Variants in TMEM117 observed in about 807,000 individuals in gnomAD.
TMEM117 encodes the protein transmembrane protein 117.
Under a neutral mutation model 52.4 loss-of-function variants are expected in TMEM117, and 27 were observed. The ratio of observed to expected loss-of-function variants is 0.51; its 90% CI spans 0.38 to 0.71. TMEM117 has a LOEUF of 0.71. TMEM117 is among the 30% of genes least tolerant of loss of function. TMEM117 has a pLI of 0.00. For missense variants in TMEM117, 556 were observed against 630.5 expected (o/e 0.88, Z 1.26); for synonymous variants, 215 against 206.3 (o/e 1.04, Z -0.36).
In TMEM117 at chr12:44,348,037, A is replaced by T. The variant is rs534326010; in HGVS notation, c.769-28558A>T. On this transcript the variant is annotated intron_variant, in intron 6 of 7. Coordinates refer to ENST00000266534, the MANE Select transcript of TMEM117 (RefSeq NM_032256.3). Reference sequence around the variant, plus strand: ...AGTAATGGAAACTACTGCTAGTTAGAGTCCTACATGGACATCATCTTAAAA... The same window carrying T: ...AGTAATGGAAACTACTGCTAGTTAGTGTCCTACATGGACATCATCTTAAAA... Among the ~76,000 whole-genome samples the T allele has an allele frequency of 6.1e-4, 93 of 152,118 alleles. 2 individuals are homozygous for T. The highest frequency in any genetic ancestry group is 2.2e-3 in the African/African-American group (93 of 41,540).
chr12:44,139,559 G>GA (rs1023607101), intron 3 of TMEM117, among the ~76,000 whole-genome samples: 1 of 151,852 alleles, frequency 6.6e-6, no homozygotes, highest in Non-Finnish European at 1.5e-5. Flanking sequence ...TAGAGGCTGA[G>GA]AAAAAATTTA....
chr12:44,311,799 ATATATG>A lies in TMEM117; in HGVS notation c.768+12066_768+12071del, dbSNP rs1565701408. On this transcript the variant is annotated intron_variant, in intron 6 of 7. Transcript: ENST00000266534. ...TATGTGTATATATGTATATATATGT[ATATATG>A]TATATATGTATATATATGTATATAT... Among the ~76,000 whole-genome samples, 12 of 18,962 alleles carry A rather than the reference ATATATG, an allele frequency of 6.3e-4. 1 individual carries two copies. In the East Asian group the frequency reaches 0.012, roughly 19 times the overall value. 12.4% of individuals were successfully genotyped at this position (18,962 alleles called of 152,430 possible). A position where few individuals can be genotyped will look rare whatever the true frequency, so the allele number is the denominator to read the frequency against.
At chr12:43,968,605 G>A (rs77142311) in intron 3 of TMEM117, among the ~76,000 whole-genome samples, 4,175 of 152,108 alleles carry the variant, frequency 0.027, 138 homozygotes, top group East Asian at 0.2. Flanking sequence ...TTCCAAAAAG[G>A]TAAATATTCA....
chr12:44,254,920 G>C (rs936491682), intron 5 of TMEM117, among the ~76,000 whole-genome samples: 1 of 149,762 alleles, frequency 6.7e-6, no homozygotes, highest in Non-Finnish European at 1.5e-5. Context: ...TTGGTTTTTT[G>C]TCCTTGCGAT....
chr12:43,909,304 G>A (rs10880581), intron 2 of TMEM117, among the ~76,000 whole-genome samples: 32,059 of 42,676 alleles, frequency 0.75, 14,593 homozygotes, highest in East Asian at 0.99. Context: ...ACCAACAAGA[G>A]CAAAGACACA....
intron 2 of TMEM117, among the ~76,000 whole-genome samples, chr12:43,886,447 A>T (rs550659337): frequency 2.2e-4 from 33 of 152,318 alleles, no homozygotes; most frequent in African/African-American, 7.2e-4. Flanking sequence ...AAGATATTTC[A>T]GTGGAGTGGG....
chr12:43,935,516 A>G (rs1592375459), intron 2 of TMEM117, among the ~76,000 whole-genome samples: 1 of 152,216 alleles, frequency 6.6e-6, no homozygotes, highest in East Asian at 1.9e-4. Flanking sequence ...TTCATTTTAT[A>G]TATTAGAGAA....
chr12:43,964,563 G>A (rs138681753), intron 3 of TMEM117, among the ~76,000 whole-genome samples: 188 of 152,270 alleles, frequency 1.2e-3, no homozygotes, highest in African/African-American at 3.9e-3. Flanking sequence ...CATAAAAGGT[G>A]TGGATGCATT....
intron 3 of TMEM117, among the ~76,000 whole-genome samples, chr12:44,019,440 G>A (rs1178748013): frequency 6.6e-6 from 1 of 151,992 alleles, no homozygotes. Context: ...ATTCAAATCT[G>A]CACCATTAAT....
chr12:43,833,387 T>C (rs563651825), upstream of TMEM117, among the ~76,000 whole-genome samples: 1 of 152,270 alleles, frequency 6.6e-6, no homozygotes, highest in Admixed American at 6.5e-5. Flanking sequence ...TATCCCACTA[T>C]CCCCTGAAAT....
chr12:44,314,302 G>T (rs1951026974), intron 6 of TMEM117, among the ~76,000 whole-genome samples: 1 of 152,110 alleles, frequency 6.6e-6, no homozygotes, highest in Admixed American at 6.5e-5. Flanking sequence ...GTTTTATAAT[G>T]AAGGGAGGTT....
intron 3 of TMEM117, among the ~76,000 whole-genome samples, chr12:44,016,011 A>C (rs1946367853): frequency 1.3e-5 from 2 of 152,180 alleles, no homozygotes; most frequent in Admixed American, 1.3e-4. Context: ...CAAAAACAAG[A>C]ATAAAACAAA....
intron 3 of TMEM117, among the ~76,000 whole-genome samples, chr12:44,054,182 A>G (rs1947016147): frequency 6.6e-6 from 1 of 152,210 alleles, no homozygotes; most frequent in Non-Finnish European, 1.5e-5. Flanking sequence ...GCAATGGCGT[A>G]TATTGAGAAG....
chr12:43,826,054 T>C, the TMEM117 span, among the ~76,000 whole-genome samples: 1 of 152,230 alleles, frequency 6.6e-6, no homozygotes, highest in South Asian at 2.1e-4. Flanking sequence ...AAAAACTCCA[T>C]TGAAATGCAC....
At chr12:44,291,899 T>TAA (rs1442460228) in intron 5 of TMEM117, among the ~76,000 whole-genome samples, 5 of 152,048 alleles carry the variant, frequency 3.3e-5, no homozygotes, top group African/African-American at 1.2e-4. Flanking sequence ...TACATTTTCT[T>TAA]AAAAATGTTT....
intron 2 of TMEM117, among the ~76,000 whole-genome samples, chr12:43,941,866 G>A (rs1009653686): frequency 6.6e-6 from 1 of 152,086 alleles, no homozygotes; most frequent in Non-Finnish European, 1.5e-5. Context: ...TGCTAACTTT[G>A]TATTATTTCC....
intron 3 of TMEM117, among the ~76,000 whole-genome samples, chr12:43,968,609 A>C (rs2137683051): frequency 6.6e-6 from 1 of 152,326 alleles, no homozygotes; most frequent in South Asian, 2.1e-4. Context: ...AAAAAGGTAA[A>C]TATTCAGCTT....
At chr12:43,852,081 G>A (rs1943317932) in intron 2 of TMEM117, among the ~76,000 whole-genome samples, 1 of 150,738 alleles carries the variant, frequency 6.6e-6, no homozygotes, top group Admixed American at 6.6e-5. Context: ...GGCTGATCAC[G>A]AGGTCAAGAG....
At chr12:44,207,255 T>G (rs1949581419) in intron 4 of TMEM117, among the ~76,000 whole-genome samples, 1 of 152,222 alleles carries the variant, frequency 6.6e-6, no homozygotes, top group Non-Finnish European at 1.5e-5. Flanking sequence ...TATTTTGGTC[T>G]TGTATCCCTA....
Sources: allele counts gnomAD v4.1 joint callset (sites outside exome capture counted in the v4.1 genomes callset), GRCh38; gene constraint gnomAD v4.1.1; transcripts MANE v1.5; gene names NCBI Gene and HGNC (gene_info 2026-07-23, HGNC 2026-07-21).